Variants in ADAMDEC1 observed in about 807,000 individuals in gnomAD.
ADAMDEC1 encodes ADAM DEC1.
In ADAMDEC1, 62 loss-of-function variants were observed where a neutral mutation model predicts 60.4. That is an observed-to-expected ratio of 1.03 (90% CI 0.84 to 1.27). ADAMDEC1 has a LOEUF of 1.27. Ranked by LOEUF, ADAMDEC1 falls within the 50% of genes most tolerant of loss-of-function variation. ADAMDEC1 has a pLI of 0.00. For missense variants in ADAMDEC1, 595 were observed against 565.0 expected (o/e 1.05, Z -0.54); for synonymous variants, 210 against 195.1 (o/e 1.08, Z -0.64).
chr8:24,389,304 C>T (rs1261185350), intron 1 of ADAMDEC1, among the ~76,000 whole-genome samples: 1 of 152,146 alleles, frequency 6.6e-6, no homozygotes, highest in Non-Finnish European at 1.5e-5. Context: ...TTGCTCAAGG[C>T]AAAAATATCT....
At chr8:24,392,027 T>C (rs1248235975) in intron 1 of ADAMDEC1, among the ~76,000 whole-genome samples, 2 of 152,032 alleles carry the variant, frequency 1.3e-5, no homozygotes, top group African/African-American at 2.4e-5. Context: ...ATCTAAAGAA[T>C]TGTTTTATAA....
rs776306502 is a variant in ADAMDEC1, at chr8:24,397,378, T to C, written c.549T>C (p.Ala183=). Residue 183 remains alanine (A), a synonymous_variant, in exon 6 of 14, where the codon GCT becomes GCC. Coordinates refer to ENST00000256412, the MANE Select transcript of ADAMDEC1 (RefSeq NM_014479.3). ...CTAACCAGGAGGAACAAGACCCAGCTAACCACACATGTGGTGTGAAGAGCA... is the reference window on the plus strand; with the variant it reads ...CTAACCAGGAGGAACAAGACCCAGCCAACCACACATGTGGTGTGAAGAGCA... The part of the protein sequence containing the change: ...FTSNQEEQDP[A]NHTCGVKSTD... 1 of 1,614,116 alleles carries C rather than the reference T, an allele frequency of 6.2e-7. No individual in the cohort carries two copies. Among genetic ancestry groups the C allele is most frequent in the South Asian group, 1.1e-5 (1 of 91,080 alleles).
intron 5 of ADAMDEC1, among the ~76,000 whole-genome samples, chr8:24,397,038 T>C (rs1207464216): frequency 6.6e-6 from 1 of 152,228 alleles, no homozygotes; most frequent in Non-Finnish European, 1.5e-5. Flanking sequence ...TCTTTGGGGT[T>C]GCTTCATCTT....
At position 24,394,244 on chromosome 8, in the gene ADAMDEC1, T is replaced by A. The variant is rs947548134; in HGVS notation, c.363+97T>A. 6 of 932,682 alleles carry A rather than the reference T, an allele frequency of 6.4e-6. No individual in the cohort carries two copies. In the Admixed American group the frequency reaches 1.5e-4, roughly 23 times the overall value. The allele number at this position is 932,682 out of a possible 1,614,324, so 57.8% of individuals were successfully genotyped here. A position where few individuals can be genotyped will look rare whatever the true frequency, so the allele number is the denominator to read the frequency against. ...ATCTCCAAAGGGCTCAATTATTTTA[T>A]AAAATTCATAGGTCCATGAACAGCT... On this transcript the variant is annotated intron_variant, in intron 4 of 13. Coordinates refer to ENST00000256412, the MANE Select transcript of ADAMDEC1 (RefSeq NM_014479.3).
At chr8:24,388,548 C>G (rs1008060030) in intron 1 of ADAMDEC1, among the ~76,000 whole-genome samples, 1 of 152,084 alleles carries the variant, frequency 6.6e-6, no homozygotes, top group African/African-American at 2.4e-5. Flanking sequence ...TGAACTCCTA[C>G]CTCACACTGG....
At chr8:24,394,236 T>C (rs1817548270) in intron 4 of ADAMDEC1, 89 bp downstream of exon 4, 1 of 1,024,298 alleles carries the variant, frequency 9.8e-7, no homozygotes, top group African/African-American at 1.6e-5. Flanking sequence ...AAGGGCTCAA[T>C]TATTTTATAA....
In ADAMDEC1 at chr8:24,395,726, TG is replaced by T; in HGVS notation, c.371del (p.Cys124PhefsTer8). 6.2e-7 allele frequency: 1 copy of T among 1,612,432 alleles called. No homozygotes were observed. Among genetic ancestry groups the T allele is most frequent in the Non-Finnish European group, 8.5e-7 (1 of 1,178,950 alleles). ...TTTCTTTTTTCCACTCCAGGAACAC[TG>T]TTACTATAAAGGAAACATCCTAAAT... ...ITTKPENMEH[C>X]YYKGNILNEK... On this transcript the variant is annotated frameshift_variant, in exon 5 of 14. Transcript: ENST00000256412. LOFTEE classifies it high-confidence loss of function.
chr8:24,394,014 A>T, intron 3 of ADAMDEC1, 55 bp from the exon 4 acceptor site: 1 of 1,194,878 alleles, frequency 8.4e-7, no homozygotes, highest in Admixed American at 1.8e-5. Flanking sequence ...AAGTTCAGGA[A>T]GTTCTGCCTT....
intron 1 of ADAMDEC1, chr8:24,387,442 G>A (rs2129356740): frequency 1.3e-5 from 2 of 152,066 alleles, no homozygotes; most frequent in South Asian, 4.2e-4. Flanking sequence ...CCCTGACTAA[G>A]GCCCATAACG....
intron 4 of ADAMDEC1, among the ~76,000 whole-genome samples, chr8:24,394,494 AT>A (rs1172265805): frequency 1.3e-5 from 2 of 152,148 alleles, no homozygotes; most frequent in East Asian, 3.9e-4. Context: ...ACTATTTACT[AT>A]TTTTTGGAGA....
At position 24,394,056 on chromosome 8, in the gene ADAMDEC1, C is replaced by T; in HGVS notation, c.285-13C>T. 1 of 1,602,160 alleles carries T rather than the reference C, an allele frequency of 6.2e-7. No individual in the cohort carries two copies. Among genetic ancestry groups the T allele is most frequent in the Non-Finnish European group, 8.5e-7 (1 of 1,169,644 alleles). On this transcript the variant is annotated splice_polypyrimidine_tract_variant and intron_variant, in intron 3 of 13. Transcript: ENST00000256412. ...CATCCTGAGTGGTCCATGCAGCTCT[C>T]TGCTCTCTACAGGCACCTCCTGGGG...
Position 24,395,678 on chromosome 8 carries a change from A to G in ADAMDEC1, c.364-42A>G, listed in dbSNP as rs775653954. On this transcript the variant is annotated intron_variant, in intron 4 of 13. Transcript: ENST00000256412. ...TACACACACACTCACATACACACAC[A>G]CACACACATTTCTGAAGCATAATTT... 6.6e-5 allele frequency: 91 copies of G among 1,373,158 alleles called. 3 individuals carry two copies. The South Asian group carries it at 9.8e-4, about 15-fold the overall frequency. The allele number at this position is 1,373,158 out of a possible 1,614,324, so 85.1% of individuals were successfully genotyped here. A position where few individuals can be genotyped will look rare whatever the true frequency, so the allele number is the denominator to read the frequency against.
chr8:24,391,202 C>T (rs1362799588), intron 1 of ADAMDEC1, among the ~76,000 whole-genome samples: 1 of 152,140 alleles, frequency 6.6e-6, no homozygotes, highest in Non-Finnish European at 1.5e-5. Context: ...ATAAAATCTC[C>T]TGTTTTCCCT....
intron 8 of ADAMDEC1, 40 bp from the exon 9 acceptor site, chr8:24,398,834 A>T (rs1563356395): frequency 1.9e-6 from 3 of 1,597,408 alleles, no homozygotes; most frequent in Non-Finnish European, 2.6e-6. Context: ...CACGAAAGGA[A>T]TCCTGAACAT....
At chr8:24,402,695 C>A (rs756121482) in intron 12 of ADAMDEC1, among the ~76,000 whole-genome samples, 1 of 152,108 alleles carries the variant, frequency 6.6e-6, no homozygotes, top group Non-Finnish European at 1.5e-5. Context: ...TGTTGCTCCA[C>A]TGGTGAAGCA....
intron 8 of ADAMDEC1, 137 bp from the exon 9 acceptor site, chr8:24,398,736 CT>C (rs1270754517): frequency 5.3e-5 from 56 of 1,058,978 alleles, no homozygotes; most frequent in Admixed American, 5.0e-4. Flanking sequence ...ACAAAGACAA[CT>C]TTTAAAATTT....
At chr8:24,390,158 A>G (rs1370900735) in intron 1 of ADAMDEC1, 1 of 961,298 alleles carries the variant, frequency 1.0e-6, no homozygotes, top group Admixed American at 2.3e-5. Context: ...TAAAGTCAGC[A>G]TTCAATAAAT....
At position 24,405,418 on chromosome 8, in the gene ADAMDEC1, C is replaced by G; in HGVS notation, c.*120C>G. ...GGTCTTTCACTTGTCATTCTACTTT[C>G]TATATTGTTATCAGTCCAGGAAACA... On this transcript the variant is annotated 3_prime_UTR_variant, in exon 14 of 14. Coordinates refer to ENST00000256412, the MANE Select transcript of ADAMDEC1 (RefSeq NM_014479.3). 8.5e-7 allele frequency: 1 copy of G among 1,174,516 alleles called. No individual in the cohort carries two copies. The highest frequency in any genetic ancestry group is 1.4e-5 in the South Asian group (1 of 73,552). The allele number at this position is 1,174,516 out of a possible 1,614,324, so 72.8% of individuals were successfully genotyped here. A position where few individuals can be genotyped will look rare whatever the true frequency, so the allele number is the denominator to read the frequency against.
At position 24,400,217 on chromosome 8, in the gene ADAMDEC1, G is replaced by C. The variant is rs770718644; in HGVS notation, c.1059G>C (p.Glu353Asp). The C allele has an allele frequency of 6.2e-7, 1 of 1,610,924 alleles. No homozygotes were observed. The highest frequency in any genetic ancestry group is 2.2e-5 in the East Asian group (1 of 44,662). Residue 353 changes from glutamate (E) to aspartate (D), a missense_variant, in exon 11 of 14, where the codon GAG (glutamate) becomes GAC (aspartate). Physicochemically the swap from Glu to Asp is conservative, Grantham distance 45 (BLOSUM62 2). Transcript: ENST00000256412. ...NVALVGVMSHELGHVLGMPDV... is the reference protein window; with the variant it reads ...NVALVGVMSHDLGHVLGMPDV... ...CTCTTGTAGGAGTGATGTCACATGA[G>C]CTGGGCCATGTCCTTGGTATGCCTG...
Sources: allele counts gnomAD v4.1 joint callset (sites outside exome capture counted in the v4.1 genomes callset), GRCh38; gene constraint gnomAD v4.1.1; transcripts MANE v1.5; gene names NCBI Gene and HGNC (gene_info 2026-07-23, HGNC 2026-07-21).